YTHDC1: variants seen among roughly 807,000 people sequenced by gnomAD.
The protein encoded by YTHDC1 is YTH domain-containing protein 1.
Under a neutral mutation model 107.0 loss-of-function variants are expected in YTHDC1, and 12 were observed. The ratio of observed to expected loss-of-function variants is 0.11; its 90% confidence interval spans 0.07 to 0.18. The LOEUF (loss-of-function observed/expected upper bound fraction) is 0.18. YTHDC1 is among the 10% of genes least tolerant of loss of function. The pLI is 1.00. For synonymous variants in YTHDC1, 280 were observed against 289.5 expected, an observed-to-expected ratio of 0.97 and a Z score of 0.33; for missense variants, 635 against 898.8, an observed-to-expected ratio of 0.71 and a Z score of 3.75.
intron 1 of YTHDC1, among the ~76,000 whole-genome samples, chr4:68,341,731 T>C (rs1267285056): frequency 6.6e-6 from 1 of 152,168 alleles, no homozygotes; most frequent in African/African-American, 2.4e-5. Flanking sequence ...AAACTCCTTA[T>C]ATATACACTG....
intron 1 of YTHDC1, among the ~76,000 whole-genome samples, chr4:68,346,100 T>TATATATATATATATATATATATATAC (rs144743953): frequency 1.5e-4 from 20 of 134,114 alleles, no homozygotes; most frequent in African/African-American, 6.0e-4. Flanking sequence ...TATATATATA[T>TATATATATATATATATATATATATAC]ACACACACAC....
In YTHDC1 at chr4:68,314,135, G is replaced by T. The variant is rs1250969231; in HGVS notation, c.2148C>A (p.Asp716Glu). The change falls in exon 17 of 17, where the codon GAC (aspartate) becomes GAA (glutamate). Residue 716 changes from aspartate (D) to glutamate (E), a missense_variant. Asp to Glu is a conservative substitution (Grantham distance 45, BLOSUM62 2). Transcript: ENST00000344157. ...ATCGACCTCTCTCCCCTCGGTCTCTGTCTCGATCACATAATCGCTCTCTTT... is the reference window on the plus strand; with the variant it reads ...ATCGACCTCTCTCCCCTCGGTCTCTTTCTCGATCACATAATCGCTCTCTTT... Reference protein sequence around the residue: ...ERERERLCDRDRDRGERGRYR... With the variant: ...ERERERLCDRERDRGERGRYR... 6.2e-7 allele frequency: 1 copy of T among 1,613,850 alleles called. No individual in the cohort carries two copies. Among genetic ancestry groups the T allele is most frequent in the Non-Finnish European group, 8.5e-7 (1 of 1,179,976 alleles).
At chr4:68,314,990 T>C (rs1289065060) in intron 16 of YTHDC1, among the ~76,000 whole-genome samples, 1 of 152,144 alleles carries the variant, frequency 6.6e-6, no homozygotes, top group Non-Finnish European at 1.5e-5. Context: ...TATATGTGAT[T>C]ATGTAAGTAG....
chr4:68,315,618 A>G (rs1284560320), intron 16 of YTHDC1, among the ~76,000 whole-genome samples: 1 of 151,068 alleles, frequency 6.6e-6, no homozygotes, highest in African/African-American at 2.4e-5. Flanking sequence ...TAAAAGTACT[A>G]TTGGGGGGGG....
chr4:68,349,634 C>CCCA (rs1172051434), intron 1 of YTHDC1, 92 bp downstream of exon 1: 2 of 264,930 alleles, frequency 7.5e-6, no homozygotes, highest in Non-Finnish European at 1.6e-5. Context: ...CTCCCCAACC[C>CCCA]CCACCCCCCA....
intron 2 of YTHDC1, 79 bp from the exon 3 acceptor site, chr4:68,337,979 T>C: frequency 2.0e-6 from 3 of 1,512,298 alleles, no homozygotes; most frequent in East Asian, 2.4e-5. Context: ...GACAATAATA[T>C]ATACATCAGG....
Position 68,310,559 on chromosome 4 carries a change from G to C in YTHDC1, c.*3540C>G, listed in dbSNP as rs770582702. The C allele has an allele frequency of 3.3e-5, 5 of 152,202 alleles. No individual in the cohort carries two copies. Among genetic ancestry groups the C allele is most frequent in the Non-Finnish European group, 7.3e-5 (5 of 68,030 alleles). The allele number at this position is 152,202 out of a possible 1,614,324, so 9.4% of individuals were successfully genotyped here. A position where few individuals can be genotyped will look rare whatever the true frequency, so the allele number is the denominator to read the frequency against. ...GATAGATAACAGAATACTATGCATG[G>C]ATTGCTTATACTCTAAGGATTCCTA... On this transcript the variant is annotated 3_prime_UTR_variant, in exon 17 of 17. Transcript: ENST00000344157.
chr4:68,313,148 A>G lies in YTHDC1; in HGVS notation c.*951T>C, dbSNP rs1721435708. ...CATAACTCTGTGTATCTTATGTTAG[A>G]AATAGAAGTAAGCTTTTAATGCAAC... On this transcript the variant is annotated 3_prime_UTR_variant, in exon 17 of 17. Transcript: ENST00000344157. 6.6e-6 allele frequency: 1 copy of G among 152,218 alleles called. No homozygotes were observed. Among genetic ancestry groups the G allele is most frequent in the Admixed American group, 6.5e-5 (1 of 15,280 alleles). 9.4% of individuals were successfully genotyped at this position (152,218 alleles called of 1,614,324 possible).
Position 68,314,332 on chromosome 4 carries a change from G to A in YTHDC1, c.1960-9C>T, listed in dbSNP as rs1240351136. On this transcript the variant is annotated splice_polypyrimidine_tract_variant and intron_variant, in intron 16 of 16. Coordinates refer to ENST00000344157, the MANE Select transcript of YTHDC1 (RefSeq NM_001031732.4). ...CTCATATCATAATCATGCTAGAAAA[G>A]GAAAGAAATGTGTTAGGTATGTCAA... 1 of 1,613,326 alleles carries A rather than the reference G, an allele frequency of 6.2e-7. No individual in the cohort carries two copies. Among genetic ancestry groups the A allele is most frequent in the Non-Finnish European group, 8.5e-7 (1 of 1,179,810 alleles).
intron 1 of YTHDC1, among the ~76,000 whole-genome samples, chr4:68,339,382 T>C (rs1724568979): frequency 6.6e-6 from 1 of 152,194 alleles, no homozygotes; most frequent in South Asian, 2.1e-4. Context: ...TAGAGAGGCA[T>C]GATAACTGAA....
At position 68,313,364 on chromosome 4, in the gene YTHDC1, T is replaced by C. The variant is rs1291472680; in HGVS notation, c.*735A>G. ...TTTATTTTATACAAAACAGTAGCAA[T>C]GTAGAATATGGGAATCGTCTTCCGC... is the stretch of plus-strand genomic sequence containing the variant. On this transcript the variant is annotated 3_prime_UTR_variant, in exon 17 of 17. Transcript: ENST00000344157. The C allele has an allele frequency of 1.3e-5, 2 of 152,634 alleles. No homozygotes were observed. Among genetic ancestry groups the C allele is most frequent in the Non-Finnish European group, 1.5e-5 (1 of 68,010 alleles). The allele number at this position is 152,634 out of a possible 1,614,324, so 9.5% of individuals were successfully genotyped here.
In YTHDC1 at chr4:68,337,172, T is replaced by TTCC. The variant is rs764323977; in HGVS notation, c.735_737dup (p.Glu249dup). 1.5e-4 allele frequency: 238 copies of TTCC among 1,605,832 alleles called. No homozygotes were observed. The highest frequency in any genetic ancestry group is 1.1e-3 in the South Asian group (101 of 90,606). Reference sequence around the variant, plus strand: ...TCTCATCCTGTTCATATTCTTCTTCTTCCTCCTCCTCCTCCTCCTCTTCCT... The same window carrying TTCC: ...TCTCATCCTGTTCATATTCTTCTTCTTCCTCCTCCTCCTCCTCCTCCTCTTCCT... On this transcript the variant is annotated inframe_insertion, in exon 4 of 17. Coordinates refer to ENST00000344157, the MANE Select transcript of YTHDC1 (RefSeq NM_001031732.4).
chr4:68,347,897 G>C (rs576341227), intron 1 of YTHDC1, among the ~76,000 whole-genome samples: 4 of 152,240 alleles, frequency 2.6e-5, no homozygotes, highest in Admixed American at 1.3e-4. Flanking sequence ...CAGTAGGTAA[G>C]TGCTAGTTCT....
rs923003698 is a variant in YTHDC1, at chr4:68,348,240, G to A, written c.28+1486C>T. 4.6e-5 allele frequency among the ~76,000 whole-genome samples: 7 copies of A among 152,134 alleles called. No individual in the cohort carries two copies. The East Asian group carries it at 1.4e-3, about 29-fold the overall frequency. The stretch of plus-strand genomic sequence containing the variant: ...TGTAAATATTTTCATCTTAGACAAC[G>A]AATTCTTGAGAAGTACTGAATTTTA... On this transcript the variant is annotated intron_variant, in intron 1 of 16. Coordinates refer to ENST00000344157, the MANE Select transcript of YTHDC1 (RefSeq NM_001031732.4).
intron 9 of YTHDC1, 111 bp from the exon 10 acceptor site, chr4:68,324,334 T>C: frequency 1.1e-6 from 1 of 904,952 alleles, no homozygotes; most frequent in South Asian, 1.8e-5. Context: ...TGACTAAATT[T>C]TAAAAACCAC....
rs369639529 is a variant in YTHDC1, at chr4:68,322,828, G to A, written c.1522C>T (p.Arg508Cys). The change falls in exon 11 of 17, where the codon CGT becomes TGT. Residue 508 changes from arginine (R) to cysteine (C), a missense_variant. Arg to Cys is a radical substitution (Grantham distance 180, BLOSUM62 -3). Transcript: ENST00000344157. This position sits in a 1 kb window ranked among gnomAD's most constrained non-coding sequence, Gnocchi z 4.8. ...IDLYQVIHKM[R>C]HKRRMHSQPR... ...TGAGAATGCATTCTTCTCTTGTGAC[G>A]CATTTTATGAATGACCTGATACAAG... The A allele has an allele frequency of 3.3e-5, 53 of 1,614,010 alleles. No homozygotes were observed. Among genetic ancestry groups the A allele is most frequent in the Non-Finnish European group, 3.6e-5 (42 of 1,180,014 alleles).
At chr4:68,318,640 A>G in intron 14 of YTHDC1, 50 bp downstream of exon 14, 1 of 1,609,974 alleles carries the variant, frequency 6.2e-7, no homozygotes, top group Non-Finnish European at 8.5e-7. Context: ...CTGCAAAATA[A>G]ATCAGAGCCT....
Position 68,311,759 on chromosome 4 carries a change from C to T in YTHDC1, c.*2340G>A, listed in dbSNP as rs987052901. 3.3e-5 allele frequency: 5 copies of T among 152,062 alleles called. No individual in the cohort carries two copies. The highest frequency in any genetic ancestry group is 4.8e-5 in the African/African-American group (2 of 41,438). The allele number at this position is 152,062 out of a possible 1,614,324, so 9.4% of individuals were successfully genotyped here. A position where few individuals can be genotyped will look rare whatever the true frequency, so the allele number is the denominator to read the frequency against. ...GTTGGCTTTTTAAAATAGATCGACTCAATACTAAGCTCAACATACAAAGCA... is the reference window on the plus strand; with the variant it reads ...GTTGGCTTTTTAAAATAGATCGACTTAATACTAAGCTCAACATACAAAGCA... On this transcript the variant is annotated 3_prime_UTR_variant, in exon 17 of 17. Coordinates refer to ENST00000344157, the MANE Select transcript of YTHDC1 (RefSeq NM_001031732.4).
At chr4:68,335,684 T>C (rs1259659019) in intron 4 of YTHDC1, among the ~76,000 whole-genome samples, 2 of 152,008 alleles carry the variant, frequency 1.3e-5, no homozygotes, top group Non-Finnish European at 2.9e-5. Flanking sequence ...TTTCATACAT[T>C]CTCCACAATA....
Sources: allele counts gnomAD v4.1 joint callset (sites outside exome capture counted in the v4.1 genomes callset), GRCh38; gene constraint gnomAD v4.1.1; non-coding constraint Gnocchi (gnomAD v3.1); transcripts MANE v1.5; gene names NCBI Gene and HGNC (gene_info 2026-07-23, HGNC 2026-07-21).